Variants in PRDM16 observed in about 807,000 individuals in gnomAD.
The protein encoded by PRDM16 is PR/SET domain 16.
PRDM16 carries 23 observed loss-of-function variants against 110.6 expected under a neutral mutation model. The observed-to-expected ratio is 0.21, with a 90% CI of 0.15 to 0.29. PRDM16 has a LOEUF of 0.29. Ranked by LOEUF, PRDM16 falls within the 10% of genes least tolerant of loss-of-function variation. The pLI is 1.00. For missense variants in PRDM16, 1,615 were observed against 1,794.3 expected, an observed-to-expected ratio of 0.90 and a Z score of 1.81; for synonymous variants, 799 against 781.8, an observed-to-expected ratio of 1.02 and a Z score of -0.37.
chr1:3,402,119 C>T (rs549506543), intron 5 of PRDM16, among the ~76,000 whole-genome samples: 1 of 152,368 alleles, frequency 6.6e-6, no homozygotes, highest in South Asian at 2.1e-4. Context: ...GGTGCACACA[C>T]CATTGTTCAA....
chr1:3,144,553 G>A (rs1643610535), intron 1 of PRDM16, among the ~76,000 whole-genome samples: 1 of 152,098 alleles, frequency 6.6e-6, no homozygotes, highest in Non-Finnish European at 1.5e-5. Flanking sequence ...GGGGGAGGGG[G>A]TGGCCATGAG....
intron 1 of PRDM16, among the ~76,000 whole-genome samples, chr1:3,109,523 G>A (rs1006374358): frequency 1.3e-5 from 2 of 152,140 alleles, no homozygotes; most frequent in African/African-American, 4.8e-5. Flanking sequence ...TTTAATAACT[G>A]TCTAATACTA....
chr1:3,438,607 T>G lies in PRDM16; in HGVS notation c.*4796T>G, dbSNP rs72851376. On this transcript the variant is annotated 3_prime_UTR_variant, in exon 17 of 17. Coordinates refer to ENST00000270722, the MANE Select transcript of PRDM16 (RefSeq NM_022114.4). ...ACATGAGATTGATATGCAATAAATCTGTGTGCTTTTCTAAGCCTCGGTGCC... is the reference window on the plus strand; with the variant it reads ...ACATGAGATTGATATGCAATAAATCGGTGTGCTTTTCTAAGCCTCGGTGCC... 2,079 of 185,872 alleles carry G rather than the reference T, an allele frequency of 0.011. 50 individuals carry two copies. Among genetic ancestry groups the G allele is most frequent in the African/African-American group, 0.045 (1,916 of 42,746 alleles). The allele number at this position is 185,872 out of a possible 1,614,324, so 11.5% of individuals were successfully genotyped here.
At chr1:3,344,918 T>C (rs138398265) in intron 3 of PRDM16, among the ~76,000 whole-genome samples, 87 of 152,324 alleles carry the variant, frequency 5.7e-4, no homozygotes, top group Middle Eastern at 6.8e-3. Context: ...TCTGTGTAGC[T>C]CTTGTTTTCT....
intron 16 of PRDM16, 102 bp downstream of exon 16, chr1:3,432,242 C>A: frequency 9.3e-7 from 1 of 1,080,150 alleles, no homozygotes; most frequent in African/African-American, 1.6e-5. Flanking sequence ...CCTGAGGAAG[C>A]TCTGGTCACG....
intron 2 of PRDM16, among the ~76,000 whole-genome samples, chr1:3,212,803 C>G (rs1416950847): frequency 2.0e-5 from 3 of 152,222 alleles, no homozygotes; most frequent in African/African-American, 7.2e-5. Flanking sequence ...GCTCTGCCTG[C>G]TCCCTCCCTG....
chr1:3,394,575 C>G (rs1411482707), intron 4 of PRDM16: 8 of 380,946 alleles, frequency 2.1e-5, no homozygotes, highest in Admixed American at 8.0e-5. Context: ...AACGGGACCC[C>G]TCGAGAAGCC....
intron 1 of PRDM16, among the ~76,000 whole-genome samples, chr1:3,163,485 G>A (rs934600992): frequency 2.0e-5 from 3 of 152,342 alleles, no homozygotes; most frequent in Middle Eastern, 3.4e-3. Flanking sequence ...TTGAGTAAGA[G>A]CGGTCAAGCA....
At chr1:3,241,040 G>A (rs1639659877) in intron 2 of PRDM16, among the ~76,000 whole-genome samples, 1 of 152,224 alleles carries the variant, frequency 6.6e-6, no homozygotes, top group African/African-American at 2.4e-5. Context: ...AAATAAAGAG[G>A]GTTTTCAGCG....
intron 3 of PRDM16, among the ~76,000 whole-genome samples, chr1:3,354,196 A>G (rs1642549118): frequency 6.6e-6 from 1 of 152,218 alleles, no homozygotes; most frequent in African/African-American, 2.4e-5. Flanking sequence ...GTGGCGGCTC[A>G]GGCCTGTAAT....
rs191610010 is a variant in PRDM16, at chr1:3,178,002, C to T, written c.38-8123C>T. The stretch of plus-strand genomic sequence containing the variant: ...GACCCTTCTGGCAGACGCCAGGCCG[C>T]GGCGTCTTGCTGCCTCTGGGCAGGA... On this transcript the variant is annotated intron_variant, in intron 1 of 16. Coordinates refer to ENST00000270722, the MANE Select transcript of PRDM16 (RefSeq NM_022114.4). 4.7e-3 allele frequency among the ~76,000 whole-genome samples: 713 copies of T among 152,276 alleles called. 4 individuals are homozygous for T. Among genetic ancestry groups the T allele is most frequent in the Middle Eastern group, 0.014 (4 of 294 alleles).
chr1:3,399,797 A>G (rs1306921111), intron 5 of PRDM16, among the ~76,000 whole-genome samples: 1 of 152,198 alleles, frequency 6.6e-6, no homozygotes, highest in African/African-American at 2.4e-5. Context: ...TCAAATTTCA[A>G]CTACTATGAT....
chr1:3,414,183 G>A (rs11578951), intron 9 of PRDM16, among the ~76,000 whole-genome samples: 6,302 of 152,296 alleles, frequency 0.041, 176 homozygotes, highest in African/African-American at 0.083. Context: ...CGGGGTGCAC[G>A]GGGCCTTCAG....
Position 3,435,416 on chromosome 1 carries a change from C to T in PRDM16, c.*1605C>T, listed in dbSNP as rs1004006342. Reference sequence around the variant, plus strand: ...TTTTATGTGCCAAATACCCCCGTCCCCCCCATGAATCCTGCTGTCCCTGCT... The same window carrying T: ...TTTTATGTGCCAAATACCCCCGTCCTCCCCATGAATCCTGCTGTCCCTGCT... On this transcript the variant is annotated 3_prime_UTR_variant, in exon 17 of 17. Transcript: ENST00000270722. 2.2e-5 allele frequency: 5 copies of T among 231,292 alleles called. No homozygotes were observed. In the Admixed American group the frequency reaches 2.3e-4, roughly 10 times the overall value. The allele number at this position is 231,292 out of a possible 1,614,324, so 14.3% of individuals were successfully genotyped here.
intron 2 of PRDM16, among the ~76,000 whole-genome samples, chr1:3,203,765 C>G (rs1003926151): frequency 1.3e-5 from 2 of 152,240 alleles, no homozygotes; most frequent in African/African-American, 2.4e-5. Context: ...GTTAACTCAT[C>G]ACATCTCCCA....
chr1:3,240,989 T>C (rs1639658639), intron 2 of PRDM16, among the ~76,000 whole-genome samples: 1 of 152,138 alleles, frequency 6.6e-6, no homozygotes, highest in Non-Finnish European at 1.5e-5. Flanking sequence ...CTGCCAGCAA[T>C]CGAGGAGCCA....
intron 1 of PRDM16, among the ~76,000 whole-genome samples, chr1:3,095,106 G>A (rs1028408847): frequency 1.3e-5 from 2 of 152,210 alleles, no homozygotes; most frequent in African/African-American, 4.8e-5. Flanking sequence ...AGCAGCCAGG[G>A]GTCTCCCAGG....
intron 3 of PRDM16, among the ~76,000 whole-genome samples, chr1:3,324,268 C>T (rs1009569051): frequency 9.2e-5 from 14 of 152,148 alleles, no homozygotes; most frequent in Non-Finnish European, 1.8e-4. Flanking sequence ...GGGGGCTCCG[C>T]CTGCAGGGTC....
At chr1:3,257,043 G>A (rs934453536) in intron 3 of PRDM16, among the ~76,000 whole-genome samples, 1 of 152,128 alleles carries the variant, frequency 6.6e-6, no homozygotes, top group African/African-American at 2.4e-5. Flanking sequence ...AACACCGATG[G>A]GGGTGTTTTA....
Sources: gnomAD v4.1 joint callset for allele counts (sites outside exome capture counted in the v4.1 genomes callset) on GRCh38, gnomAD v4.1.1 for gene constraint, MANE v1.5 for transcripts, NCBI Gene and HGNC (gene_info 2026-07-23, HGNC 2026-07-21) for gene names.